LRBA: variants seen among roughly 807,000 people sequenced by gnomAD.
LRBA encodes the protein lipopolysaccharide-responsive and beige-like anchor protein.
Under a neutral mutation model 330.0 loss-of-function variants are expected in LRBA, and 176 were observed. That is an observed-to-expected ratio of 0.53 (90% confidence interval 0.47 to 0.60). The LOEUF (loss-of-function observed/expected upper bound fraction) is 0.60, where lower values mean the gene tolerates loss of function less well. Ranked by LOEUF, LRBA falls within the 20% of genes least tolerant of loss-of-function variation. LRBA has a pLI of 0.00. For synonymous variants in LRBA, 1,230 were observed against 1,193.0 expected (o/e 1.03, Z -0.64); for missense variants, 3,259 against 3,444.8 (o/e 0.95, Z 1.35).
At chr4:150,554,194 C>A (rs376678267) in intron 40 of LRBA, among the ~76,000 whole-genome samples, 1 of 152,274 alleles carries the variant, frequency 6.6e-6, no homozygotes, top group East Asian at 1.9e-4. Flanking sequence ...CCAATTTTGC[C>A]AGGGTCTGAC....
intron 16 of LRBA, 55 bp downstream of exon 16, chr4:150,896,339 A>C: frequency 1.1e-6 from 1 of 907,838 alleles, no homozygotes; most frequent in South Asian, 1.6e-5. Flanking sequence ...ACTTTTAAAA[A>C]AGTCTAATGT....
Position 150,789,023 on chromosome 4 carries a change from G to A in LRBA, c.5580+9058C>T, listed in dbSNP as rs991774972. On this transcript the variant is annotated intron_variant, in intron 34 of 56. Coordinates refer to ENST00000651943, the MANE Select transcript of LRBA (RefSeq NM_001364905.1). ...TGGGAGGCAGAGATTGCAGTGAGCC[G>A]AGATCATGCCACTGCACTCTAGCCT... Among the ~76,000 whole-genome samples, 5 of 152,126 alleles carry A rather than the reference G, an allele frequency of 3.3e-5. No individual in the cohort carries two copies. In the East Asian group the frequency reaches 5.8e-4, roughly 18 times the overall value.
At chr4:150,936,438 TAAAAG>T (rs1735087223) in intron 2 of LRBA, among the ~76,000 whole-genome samples, 1 of 151,836 alleles carries the variant, frequency 6.6e-6, no homozygotes, top group Non-Finnish European at 1.5e-5. Context: ...GAAGATAATT[TAAAAG>T]AATCCACACA....
chr4:150,592,144 G>GAT (rs1772932507), intron 38 of LRBA, among the ~76,000 whole-genome samples: 1 of 65,166 alleles, frequency 1.5e-5, no homozygotes, highest in Non-Finnish European at 2.5e-5. Flanking sequence ...GATGGCTAGG[G>GAT]TTTTTTTTTT....
At chr4:150,500,584 A>G (rs929549736) in intron 40 of LRBA, among the ~76,000 whole-genome samples, 2 of 152,238 alleles carry the variant, frequency 1.3e-5, no homozygotes, top group Middle Eastern at 3.4e-3. Context: ...GTCTCTAAAT[A>G]AATAAATAAA....
chr4:150,448,546 AAT>A (rs1308018031), intron 44 of LRBA, among the ~76,000 whole-genome samples: 1 of 152,172 alleles, frequency 6.6e-6, no homozygotes, highest in African/African-American at 2.4e-5. Flanking sequence ...TCACACCTGT[AAT>A]CCCAGCACTT....
In LRBA at chr4:150,471,623, C is replaced by T. The variant is rs1357464045; in HGVS notation, c.6667+1G>A. The T allele has an allele frequency of 6.7e-7, 1 of 1,503,688 alleles. No homozygotes were observed. The highest frequency in any genetic ancestry group is 1.2e-5 in the South Asian group (1 of 83,566). The allele number at this position is 1,503,688 out of a possible 1,614,324, so 93.1% of individuals were successfully genotyped here. ...TAAATCAATACATGGAATTAGGTTA[C>T]CTGCTATCGTGTTGAGAAACATCAA... On this transcript the variant is annotated splice_donor_variant, in intron 43 of 56. Coordinates refer to ENST00000651943, the MANE Select transcript of LRBA (RefSeq NM_001364905.1). LOFTEE classifies it high-confidence loss of function.
intron 13 of LRBA, among the ~76,000 whole-genome samples, chr4:150,904,524 AAG>A (rs1731098517): frequency 6.6e-6 from 1 of 152,174 alleles, no homozygotes; most frequent in Non-Finnish European, 1.5e-5. Context: ...AGAAAATCAT[AAG>A]ATGAATTTTT....
chr4:150,547,428 CA>C (rs1765985436), intron 40 of LRBA, among the ~76,000 whole-genome samples: 1 of 152,104 alleles, frequency 6.6e-6, no homozygotes, highest in Admixed American at 6.5e-5. Flanking sequence ...ACTTCAGCAA[CA>C]AAATGGTTAA....
intron 37 of LRBA, among the ~76,000 whole-genome samples, chr4:150,676,242 AT>A (rs1454740403): frequency 5.9e-5 from 9 of 152,356 alleles, no homozygotes; most frequent in African/African-American, 2.2e-4. Context: ...GAAAGACAAC[AT>A]TTTAAAAAAG....
intron 40 of LRBA, among the ~76,000 whole-genome samples, chr4:150,539,907 T>C (rs193060979): frequency 1.2e-3 from 190 of 152,320 alleles, no homozygotes; most frequent in Non-Finnish European, 2.4e-3. Flanking sequence ...TCGTTAAACA[T>C]CAGTAAAGGA....
chr4:150,928,729 A>G, intron 3 of LRBA, 105 bp downstream of exon 3: 2 of 1,255,294 alleles, frequency 1.6e-6, no homozygotes, highest in Non-Finnish European at 2.3e-6. Context: ...TGCATGCTAC[A>G]TGCTCAAATA....
At chr4:150,478,811 TCTCTA>T (rs1756991576) in intron 42 of LRBA, among the ~76,000 whole-genome samples, 1 of 152,224 alleles carries the variant, frequency 6.6e-6, no homozygotes, top group African/African-American at 2.4e-5. Context: ...AAGCAACCCA[TCTCTA>T]CTCTACTAAT....
At chr4:150,982,043 C>T (rs1740909730) in intron 2 of LRBA, among the ~76,000 whole-genome samples, 1 of 151,038 alleles carries the variant, frequency 6.6e-6, no homozygotes, top group African/African-American at 2.4e-5. Flanking sequence ...AAAAATGATG[C>T]ATCTTACAAT....
chr4:150,387,905 G>T (rs1157832733), intron 47 of LRBA, among the ~76,000 whole-genome samples: 1 of 152,160 alleles, frequency 6.6e-6, no homozygotes, highest in Admixed American at 6.5e-5. Context: ...GGGATAGAAG[G>T]TAAAGAGAGT....
intron 39 of LRBA, among the ~76,000 whole-genome samples, chr4:150,590,098 G>C (rs962462482): frequency 4.6e-5 from 7 of 152,128 alleles, no homozygotes; most frequent in African/African-American, 1.7e-4. Context: ...TTGAGGGACA[G>C]AGCCACAGGT....
chr4:150,429,555 T>C (rs13131637), intron 46 of LRBA, among the ~76,000 whole-genome samples: 8,315 of 152,208 alleles, frequency 0.055, 331 homozygotes, highest in Middle Eastern at 0.12. Flanking sequence ...GAATTTAGTT[T>C]TGAACATGTT....
intron 51 of LRBA, among the ~76,000 whole-genome samples, chr4:150,311,600 C>T (rs959549080): frequency 1.2e-4 from 18 of 152,308 alleles, no homozygotes; most frequent in African/African-American, 1.9e-4. Context: ...ACGGCACACA[C>T]GTACACATAC....
chr4:150,289,647 T>C (rs1748599526), intron 53 of LRBA, among the ~76,000 whole-genome samples: 1 of 152,196 alleles, frequency 6.6e-6, no homozygotes, highest in Admixed American at 6.5e-5. Context: ...GATATGTCAT[T>C]TCCTCTAAGA....
Sources: gnomAD v4.1 joint callset for allele counts (sites outside exome capture counted in the v4.1 genomes callset) on GRCh38, gnomAD v4.1.1 for gene constraint, MANE v1.5 for transcripts, NCBI Gene and HGNC (gene_info 2026-07-23, HGNC 2026-07-21) for gene names.